BACH2: variants seen among roughly 807,000 people sequenced by gnomAD.
BACH2 encodes the protein BACH transcriptional regulator 2.
Under a neutral mutation model 61.8 loss-of-function variants are expected in BACH2, and 5 were observed. That is an observed-to-expected ratio of 0.08 (90% CI 0.04 to 0.17). The LOEUF (loss-of-function observed/expected upper bound fraction) is 0.17, where lower values mean the gene tolerates loss of function less well. Ranked by LOEUF, BACH2 falls within the 10% of genes least tolerant of loss-of-function variation. The probability of loss-of-function intolerance (pLI) is 1.00; values close to 1 mark genes in which losing one functional copy is unlikely to be tolerated. For missense variants in BACH2, 824 were observed against 1,091.1 expected, an observed-to-expected ratio of 0.76 and a Z score of 3.45; for synonymous variants, 446 against 440.1, an observed-to-expected ratio of 1.01 and a Z score of -0.17.
chr6:90,050,378 G>A (rs1334913897), intron 5 of BACH2, among the ~76,000 whole-genome samples: 4 of 152,082 alleles, frequency 2.6e-5, no homozygotes, highest in East Asian at 1.9e-4. Context: ...AAATTTTAAC[G>A]TAATATCGAA....
chr6:90,165,344 A>C (rs911221920), intron 4 of BACH2, among the ~76,000 whole-genome samples: 1 of 152,232 alleles, frequency 6.6e-6, no homozygotes, highest in Non-Finnish European at 1.5e-5. Context: ...TCAGGAATCC[A>C]ACATACAAGG....
chr6:89,975,261 A>G (rs1259425963), intron 6 of BACH2, among the ~76,000 whole-genome samples: 2 of 152,238 alleles, frequency 1.3e-5, no homozygotes, highest in Non-Finnish European at 2.9e-5. Flanking sequence ...CAGGGATAAA[A>G]ATGAATATTG....
chr6:90,276,452 T>C (rs1771694409), intron 1 of BACH2, among the ~76,000 whole-genome samples: 1 of 152,206 alleles, frequency 6.6e-6, no homozygotes, highest in Non-Finnish European at 1.5e-5. Context: ...GCATTAAAGG[T>C]AGACACTGAA....
At chr6:90,160,856 C>T (rs1242460997) in intron 4 of BACH2, among the ~76,000 whole-genome samples, 6 of 152,006 alleles carry the variant, frequency 3.9e-5, no homozygotes, top group African/African-American at 4.8e-5. Context: ...TTTGGGAGGC[C>T]GAGGCCGGTG....
chr6:90,232,414 T>A (rs1770127898), intron 3 of BACH2, among the ~76,000 whole-genome samples: 1 of 152,196 alleles, frequency 6.6e-6, no homozygotes, highest in Admixed American at 6.5e-5. Context: ...GCTGGAATTG[T>A]GTATTTATTT....
intron 5 of BACH2, among the ~76,000 whole-genome samples, chr6:90,032,614 C>G (rs1779049799): frequency 6.6e-6 from 1 of 151,834 alleles, no homozygotes; most frequent in African/African-American, 2.4e-5. Flanking sequence ...AAATGCTCAT[C>G]ATCACTGGCC....
intron 1 of BACH2, among the ~76,000 whole-genome samples, chr6:90,277,578 A>G (rs1364485304): frequency 1.3e-5 from 2 of 152,212 alleles, no homozygotes; most frequent in Admixed American, 6.5e-5. Context: ...TGTTCACTTT[A>G]TGGAAATTCG....
At chr6:90,242,978 C>G (rs747856559) in intron 3 of BACH2, among the ~76,000 whole-genome samples, 1 of 150,846 alleles carries the variant, frequency 6.6e-6, no homozygotes, top group Non-Finnish European at 1.5e-5. Context: ...CTCCCGAGTT[C>G]AAGCGATTCT....
chr6:90,093,156 A>AT lies in BACH2; in HGVS notation c.-161-4048dup, dbSNP rs1255719074. Among the ~76,000 whole-genome samples the AT allele has an allele frequency of 3.3e-5, 5 of 152,318 alleles. No homozygotes were observed. In the East Asian group the frequency reaches 9.6e-4, roughly 29 times the overall value. ...CAGGTCTTTATTAACTGGTACAGGTATTTTATAACTTTAACAACTGGTATA... is the reference window on the plus strand; with the variant it reads ...CAGGTCTTTATTAACTGGTACAGGTATTTTTATAACTTTAACAACTGGTATA... On this transcript the variant is annotated intron_variant, in intron 4 of 8. Transcript: ENST00000257749.
chr6:90,190,506 G>A (rs919505498), intron 4 of BACH2, among the ~76,000 whole-genome samples: 1 of 152,134 alleles, frequency 6.6e-6, no homozygotes, highest in East Asian at 1.9e-4. Flanking sequence ...GTTGTCTATA[G>A]TAAAAACACT....
chr6:89,942,332 C>T (rs966014460), intron 7 of BACH2, among the ~76,000 whole-genome samples: 1 of 152,142 alleles, frequency 6.6e-6, no homozygotes, highest in African/African-American at 2.4e-5. Flanking sequence ...CCCAGGCTCT[C>T]GGCACTCAAA....
chr6:90,290,639 A>G (rs1772149777), intron 1 of BACH2, among the ~76,000 whole-genome samples: 1 of 152,248 alleles, frequency 6.6e-6, no homozygotes, highest in South Asian at 2.1e-4. Flanking sequence ...ATGTACATTC[A>G]CTTTGTTTCC....
rs2128350780 is a variant in BACH2 at position 89,927,112 on chromosome 6, A to G, written c.*5296T>C. 6.5e-6 allele frequency: 1 copy of G among 152,902 alleles called. No homozygotes were observed. The allele number at this position is 152,902 out of a possible 1,614,324, so 9.5% of individuals were successfully genotyped here. On this transcript the variant is annotated 3_prime_UTR_variant, in exon 9 of 9. Coordinates refer to ENST00000257749, the MANE Select transcript of BACH2 (RefSeq NM_021813.4). ...TGCACTTGCATCAGACTGGTTCTGG[A>G]ACAAATTGTCAAATTGTCACAGGCT...
At chr6:90,004,085 C>T (rs1445308643) in intron 6 of BACH2, among the ~76,000 whole-genome samples, 1 of 152,220 alleles carries the variant, frequency 6.6e-6, no homozygotes, top group African/African-American at 2.4e-5. Flanking sequence ...ATCCCAGAGA[C>T]ATTAACAGCT....
intron 3 of BACH2, among the ~76,000 whole-genome samples, chr6:90,208,449 A>G (rs1769226131): frequency 6.6e-6 from 1 of 152,252 alleles, no homozygotes; most frequent in African/African-American, 2.4e-5. Context: ...AACTTATGAA[A>G]AAATGCTCAT....
intron 4 of BACH2, among the ~76,000 whole-genome samples, chr6:90,150,717 G>C (rs1784784294): frequency 6.6e-6 from 1 of 151,904 alleles, no homozygotes; most frequent in Admixed American, 6.6e-5. Context: ...TTGAGCCCAA[G>C]CTTCTCAGTG....
chr6:90,222,532 G>C (rs1196271952), intron 3 of BACH2, among the ~76,000 whole-genome samples: 1 of 152,180 alleles, frequency 6.6e-6, no homozygotes, highest in Non-Finnish European at 1.5e-5. Context: ...GCTGAAATTT[G>C]TGCTTAGAAT....
chr6:90,088,753 G>C (rs1277313728), intron 5 of BACH2, among the ~76,000 whole-genome samples: 1 of 151,882 alleles, frequency 6.6e-6, no homozygotes, highest in Non-Finnish European at 1.5e-5. Context: ...AAGCCCTCCA[G>C]GTGATTCTGA....
chr6:90,191,119 A>C (rs1256467286), intron 4 of BACH2, among the ~76,000 whole-genome samples: 1 of 152,224 alleles, frequency 6.6e-6, no homozygotes, highest in African/African-American at 2.4e-5. Flanking sequence ...CCGTGACTTA[A>C]GGCTACCTTT....
Sources: gnomAD v4.1 joint callset for allele counts (sites outside exome capture counted in the v4.1 genomes callset) on GRCh38, gnomAD v4.1.1 for gene constraint, MANE v1.5 for transcripts, NCBI Gene and HGNC (gene_info 2026-07-23, HGNC 2026-07-21) for gene names.